The following AKT3 variants were observed in gnomAD, a reference collection of about 807,000 sequenced individuals.
The protein encoded by AKT3 is RAC-gamma serine/threonine-protein kinase.
In AKT3, 15 loss-of-function variants were observed where a neutral mutation model predicts 65.3. That is an observed-to-expected ratio of 0.23 (90% CI 0.15 to 0.35). The LOEUF is 0.35. AKT3 is among the 10% of genes least tolerant of loss of function. AKT3 has a pLI of 1.00. For synonymous variants in AKT3, 206 were observed against 183.8 expected (o/e 1.12, Z -0.98); for missense variants, 243 against 576.5 (o/e 0.42, Z 5.92).
chr1:243,717,946 A>C (rs1452847822), intron 2 of AKT3, among the ~76,000 whole-genome samples: 1 of 152,122 alleles, frequency 6.6e-6, no homozygotes, highest in Non-Finnish European at 1.5e-5. Context: ...TTTATTTTTA[A>C]AATAAATTAT....
At chr1:243,593,493 T>C (rs1417780548) in intron 8 of AKT3, among the ~76,000 whole-genome samples, 2 of 152,018 alleles carry the variant, frequency 1.3e-5, no homozygotes, top group Non-Finnish European at 2.9e-5. Context: ...TCGAGAGCAA[T>C]CTAGCTAACA....
intron 1 of AKT3, among the ~76,000 whole-genome samples, chr1:243,844,352 T>A (rs183076787): frequency 6.6e-6 from 1 of 152,252 alleles, no homozygotes; most frequent in East Asian, 1.9e-4. Context: ...CTATACTGCC[T>A]TAAGATAAAA....
At chr1:243,673,062 G>A (rs1021858750) in intron 3 of AKT3, among the ~76,000 whole-genome samples, 2 of 152,092 alleles carry the variant, frequency 1.3e-5, no homozygotes, top group Non-Finnish European at 2.9e-5. Context: ...TTTGATTTTG[G>A]TTTTTGCAGT....
intron 12 of AKT3, among the ~76,000 whole-genome samples, chr1:243,515,132 A>AC (rs907422016): frequency 2.6e-5 from 4 of 152,216 alleles, no homozygotes; most frequent in Admixed American, 2.0e-4. Flanking sequence ...TCAATAGTTT[A>AC]CTCACTTTGC....
Position 243,639,567 on chromosome 1 carries a change from T to C in AKT3, c.430-1825A>G, listed in dbSNP as rs145373964. ...TCATTATACATTCATTATAATATAT[T>C]ATCATGCCAAAGGAACCTCCCATCA... On this transcript the variant is annotated intron_variant, in intron 5 of 13. Coordinates refer to ENST00000673466, the MANE Select transcript of AKT3 (RefSeq NM_005465.7). Among the ~76,000 whole-genome samples, 727 of 152,264 alleles carry C rather than the reference T, an allele frequency of 4.8e-3. 5 individuals are homozygous for C. Among genetic ancestry groups the C allele is most frequent in the African/African-American group, 0.016 (685 of 41,572 alleles).
rs532983061 is a variant in AKT3, at chr1:243,681,169, T to A, written c.172+14422A>T. On this transcript the variant is annotated intron_variant, in intron 3 of 13. Coordinates refer to ENST00000673466, the MANE Select transcript of AKT3 (RefSeq NM_005465.7). ...GAACCTAGTTTCTCCAGCTATAAAA[T>A]AGACTGTTTGTCCTCCAAAGATGTT... Among the ~76,000 whole-genome samples, 8 of 152,264 alleles carry A rather than the reference T, an allele frequency of 5.3e-5. No homozygotes were observed. In the East Asian group the frequency reaches 1.5e-3, roughly 29 times the overall value.
chr1:243,613,190 CA>C, intron 8 of AKT3, among the ~76,000 whole-genome samples: 1 of 2,318 alleles, frequency 4.3e-4, no homozygotes, highest in Non-Finnish European at 0.024. Flanking sequence ...TATATACATA[CA>C]CACACACACA....
At chr1:243,707,474 A>G (rs935624102) in intron 2 of AKT3, among the ~76,000 whole-genome samples, 1 of 152,156 alleles carries the variant, frequency 6.6e-6, no homozygotes. Context: ...TCTTAATTCA[A>G]TAACAACTAA....
At chr1:243,614,247 C>T (rs544865913) in intron 7 of AKT3, among the ~76,000 whole-genome samples, 1 of 152,160 alleles carries the variant, frequency 6.6e-6, no homozygotes, top group South Asian at 2.1e-4. Context: ...TTAAAAAATA[C>T]CCAAATGCTA....
At chr1:243,682,669 G>T (rs1337023563) in intron 3 of AKT3, among the ~76,000 whole-genome samples, 2 of 152,024 alleles carry the variant, frequency 1.3e-5, no homozygotes, top group East Asian at 3.9e-4. Context: ...ACAGGGATAA[G>T]GACATAACAT....
chr1:243,631,082 T>A (rs1402121732), intron 6 of AKT3, among the ~76,000 whole-genome samples: 1 of 152,114 alleles, frequency 6.6e-6, no homozygotes, highest in East Asian at 1.9e-4. Context: ...CCAGTGCATA[T>A]AAGTTATGTT....
chr1:243,628,743 G>A (rs1436508599), intron 6 of AKT3, among the ~76,000 whole-genome samples: 1 of 152,194 alleles, frequency 6.6e-6, no homozygotes, highest in Non-Finnish European at 1.5e-5. Flanking sequence ...ACAGATGATA[G>A]CAGTTCAAAG....
At chr1:243,810,727 A>C (rs1297913617) in intron 2 of AKT3, among the ~76,000 whole-genome samples, 1 of 152,220 alleles carries the variant, frequency 6.6e-6, no homozygotes, top group Non-Finnish European at 1.5e-5. Flanking sequence ...CAACAAAAAA[A>C]AGAGAATTTT....
At chr1:243,630,097 G>A (rs1679491594) in intron 6 of AKT3, among the ~76,000 whole-genome samples, 1 of 152,142 alleles carries the variant, frequency 6.6e-6, no homozygotes, top group Non-Finnish European at 1.5e-5. Context: ...CATACCCAAT[G>A]GTAGATACAA....
intron 10 of AKT3, among the ~76,000 whole-genome samples, chr1:243,563,379 G>C (rs1673928293): frequency 6.6e-6 from 1 of 151,784 alleles, no homozygotes; most frequent in South Asian, 2.1e-4. Context: ...AGTCCAAGAT[G>C]GTTTATAAAT....
chr1:243,600,690 TA>T (rs1676942776), intron 8 of AKT3, among the ~76,000 whole-genome samples: 1 of 152,144 alleles, frequency 6.6e-6, no homozygotes, highest in African/African-American at 2.4e-5. Context: ...ATGCAAGAGC[TA>T]AAACTATTAA....
rs915733461 is a variant in AKT3, at chr1:243,592,702, G to A, written c.697-19654C>T. Among the ~76,000 whole-genome samples the A allele has an allele frequency of 5.9e-5, 9 of 152,104 alleles. 1 individual carries two copies. The highest frequency in any genetic ancestry group is 1.9e-4 in the African/African-American group (8 of 41,414). ...AGACACTGAACTAGAAATTGTTCAA[G>A]AAAATGTTTCAGAATGAAGGAAAAT... On this transcript the variant is annotated intron_variant, in intron 8 of 13. Coordinates refer to ENST00000673466, the MANE Select transcript of AKT3 (RefSeq NM_005465.7).
At chr1:243,779,690 G>C (rs1228283608) in intron 2 of AKT3, among the ~76,000 whole-genome samples, 1 of 151,916 alleles carries the variant, frequency 6.6e-6, no homozygotes, top group Non-Finnish European at 1.5e-5. Context: ...GTAAATAAAA[G>C]AATTAAAAAT....
At chr1:243,561,651 T>C (rs1409133966) in intron 10 of AKT3, among the ~76,000 whole-genome samples, 3 of 152,158 alleles carry the variant, frequency 2.0e-5, no homozygotes, top group Non-Finnish European at 2.9e-5. Flanking sequence ...CATTAAATAG[T>C]TACCCTCACA....
Sources: allele counts gnomAD v4.1 joint callset (sites outside exome capture counted in the v4.1 genomes callset), GRCh38; gene constraint gnomAD v4.1.1; transcripts MANE v1.5; gene names NCBI Gene and HGNC (gene_info 2026-07-23, HGNC 2026-07-21).